The following BNIP5 variants were observed in gnomAD, a reference collection of about 807,000 sequenced individuals.
BNIP5 encodes protein BNIP5.
A neutral mutation model predicts 67.3 loss-of-function variants in BNIP5; 61 were observed. The ratio of observed to expected loss-of-function variants is 0.91; its 90% CI spans 0.74 to 1.12. BNIP5 has a LOEUF of 1.12. BNIP5 is among the 50% of genes most tolerant of loss of function. The pLI is 0.00. For synonymous variants in BNIP5, 317 were observed against 319.0 expected (o/e 0.99, Z 0.07); for missense variants, 826 against 816.3 (o/e 1.01, Z -0.14).
Position 36,323,406 on chromosome 6 carries a change from G to C in BNIP5, c.1358C>G (p.Pro453Arg), listed in dbSNP as rs781216107. 5 of 1,614,254 alleles carry C rather than the reference G, an allele frequency of 3.1e-6. No individual in the cohort carries two copies. In the South Asian group the frequency reaches 3.3e-5, roughly 11 times the overall value. Residue 453 changes from proline to arginine, a missense_variant, in exon 8 of 12, where the codon CCC (proline) becomes CGC (arginine). By Grantham distance (103) the Pro-to-Arg change is moderately radical. Coordinates refer to ENST00000437635, the MANE Select transcript of BNIP5 (RefSeq NM_001010903.5). ...FYHKKHTSKE[P>R]RRAGAAGAAS... is the part of the protein sequence containing the mutation. The stretch of plus-strand genomic sequence containing the variant: ...AGCCCCTGCTGCCCCCGCTCTTCTG[G>C]GTTCCTTGGAGGTGTGTTTCTTATG...
In BNIP5 at chr6:36,324,200, A is replaced by G. The variant is rs377065922; in HGVS notation, c.1169-10T>C. 1.6e-5 allele frequency: 26 copies of G among 1,611,392 alleles called. No homozygotes were observed. Among genetic ancestry groups the G allele is most frequent in the Non-Finnish European group, 4.2e-6 (5 of 1,177,796 alleles). ...TTCTGAATGAATTCTTCTGAAAAAGATCAACACGCATGGTTAACTTTGGTG... is the reference window on the plus strand; with the variant it reads ...TTCTGAATGAATTCTTCTGAAAAAGGTCAACACGCATGGTTAACTTTGGTG... On this transcript the variant is annotated splice_polypyrimidine_tract_variant and intron_variant, in intron 6 of 11. Coordinates refer to ENST00000437635, the MANE Select transcript of BNIP5 (RefSeq NM_001010903.5).
At chr6:36,328,977 A>G (rs1771825370) in intron 2 of BNIP5, among the ~76,000 whole-genome samples, 1 of 151,820 alleles carries the variant, frequency 6.6e-6, no homozygotes, top group South Asian at 2.1e-4. Flanking sequence ...ATAAACACTG[A>G]GTTTTGAGTG....
At position 36,319,438 on chromosome 6, in the gene BNIP5, C is replaced by T. The variant is rs1298126157; in HGVS notation, c.1841G>A (p.Ser614Asn). The change falls in exon 11 of 12, where the codon AGC becomes AAC. Residue 614 changes from serine (S) to asparagine (N), a missense_variant. By Grantham distance (46) the Ser-to-Asn change is conservative (BLOSUM62 1). Coordinates refer to ENST00000437635, the MANE Select transcript of BNIP5 (RefSeq NM_001010903.5). ...GAGGATGCACATGGCATGGCTGTTG[C>T]TGCCAGCAAATTTGTTAGCTAAGCT... ...DVSLANKFAG[S>N]NSHAMCILMG... is the part of the protein sequence containing the mutation. 1.2e-6 allele frequency: 2 copies of T among 1,614,188 alleles called. No individual in the cohort carries two copies. The highest frequency in any genetic ancestry group is 1.7e-6 in the Non-Finnish European group (2 of 1,180,034).
chr6:36,321,478 G>T (rs1285957316), intron 9 of BNIP5, among the ~76,000 whole-genome samples: 1 of 152,132 alleles, frequency 6.6e-6, no homozygotes, highest in Non-Finnish European at 1.5e-5. Flanking sequence ...ACCACATTCA[G>T]CTTCATTTGA....
chr6:36,321,295 A>C, intron 9 of BNIP5, 76 bp from the exon 10 acceptor site: 1 of 995,612 alleles, frequency 1.0e-6, no homozygotes, highest in Non-Finnish European at 1.6e-6. Flanking sequence ...AAAGTGCTGC[A>C]ACAATACATC....
intron 1 of BNIP5, among the ~76,000 whole-genome samples, chr6:36,333,765 T>C (rs1404961445): frequency 4.6e-5 from 7 of 152,280 alleles, no homozygotes; most frequent in African/African-American, 9.6e-5. Flanking sequence ...TGAAGTTCTA[T>C]GTGATTTAAG....
At chr6:36,319,856 C>G (rs1204867437) in intron 10 of BNIP5, among the ~76,000 whole-genome samples, 1 of 152,176 alleles carries the variant, frequency 6.6e-6, no homozygotes, top group Non-Finnish European at 1.5e-5. Context: ...AATTCAGAAG[C>G]AAACACCCCA....
At position 36,317,350 on chromosome 6, in the gene BNIP5, C is replaced by T. The variant is rs1283821125; in HGVS notation, c.*6G>A. ...TTCAAGGGAATTTGAGTGCAAGACA[C>T]AGCTTTCAATCTGGACTTTCAACCT... On this transcript the variant is annotated 3_prime_UTR_variant, in exon 12 of 12. Transcript: ENST00000437635. 6.2e-7 allele frequency: 1 copy of T among 1,612,580 alleles called. No homozygotes were observed. The highest frequency in any genetic ancestry group is 1.3e-5 in the African/African-American group (1 of 74,884).
rs777932280 is a variant in BNIP5, at chr6:36,326,595, G to A, written c.951C>T (p.Ser317=). ...EEAKRGAADV[S]SPEAWPPKKS... ...TCTTGGGTGGCCAGGCCTCTGGACTGGAAACATCTGCAGCCCCCCTCTTGG... is the reference window on the plus strand; with the variant it reads ...TCTTGGGTGGCCAGGCCTCTGGACTAGAAACATCTGCAGCCCCCCTCTTGG... Residue 317 remains serine, a synonymous_variant, in exon 5 of 12, where the codon TCC becomes TCT. Transcript: ENST00000437635. 4.3e-6 allele frequency: 7 copies of A among 1,614,244 alleles called. No homozygotes were observed. In the East Asian group the frequency reaches 1.3e-4, roughly 31 times the overall value.
chr6:36,325,244 T>A (rs1250630346), intron 6 of BNIP5, 39 bp downstream of exon 6: 2 of 1,610,192 alleles, frequency 1.2e-6, no homozygotes, highest in Non-Finnish European at 1.7e-6. Flanking sequence ...GAACAGAAGT[T>A]TTGCAAGGGG....
At chr6:36,325,795 TC>T (rs1189303171) in intron 5 of BNIP5, among the ~76,000 whole-genome samples, 2 of 152,138 alleles carry the variant, frequency 1.3e-5, no homozygotes, top group African/African-American at 2.4e-5. Context: ...TAAGCGTCAC[TC>T]CCTCCTTTCT....
chr6:36,323,613 G>A lies in BNIP5; in HGVS notation c.1231-80C>T, dbSNP rs558114965. ...AGGTGAGGTGGGGAAAGAGAGCCAC[G>A]GTGGGCTAGCAGGCGTTGCCCAGAG... On this transcript the variant is annotated intron_variant, in intron 7 of 11. Coordinates refer to ENST00000437635, the MANE Select transcript of BNIP5 (RefSeq NM_001010903.5). 52 of 1,537,974 alleles carry A rather than the reference G, an allele frequency of 3.4e-5. No individual in the cohort carries two copies. The Admixed American group carries it at 4.1e-4, about 12-fold the overall frequency.
intron 6 of BNIP5, 103 bp from the exon 7 acceptor site, chr6:36,324,293 A>G (rs1392218861): frequency 1.0e-6 from 1 of 981,568 alleles, no homozygotes; most frequent in African/African-American, 1.6e-5. Flanking sequence ...GTGATTCTCC[A>G]AGGGGGCTAA....
In BNIP5 at chr6:36,316,468, A is replaced by G. The variant is rs921400015; in HGVS notation, c.*888T>C. On this transcript the variant is annotated 3_prime_UTR_variant, in exon 12 of 12. Coordinates refer to ENST00000437635, the MANE Select transcript of BNIP5 (RefSeq NM_001010903.5). ...TACTGCTACCAGCTGCAAAACTGTC[A>G]TGATAAATCTACAAATCCACAATGT... 7.5e-6 allele frequency: 3 copies of G among 398,514 alleles called. No individual in the cohort carries two copies. Among genetic ancestry groups the G allele is most frequent in the East Asian group, 3.6e-5 (1 of 28,098 alleles). 24.7% of individuals were successfully genotyped at this position (398,514 alleles called of 1,614,324 possible).
chr6:36,321,820 G>A (rs1771643001), intron 9 of BNIP5, among the ~76,000 whole-genome samples: 1 of 152,218 alleles, frequency 6.6e-6, no homozygotes, highest in Admixed American at 6.5e-5. Context: ...TGATTCTCCT[G>A]CCTCAGCCTC....
chr6:36,327,373 C>T lies in BNIP5; in HGVS notation c.728-279G>A, dbSNP rs116435563. 3.3e-3 allele frequency among the ~76,000 whole-genome samples: 505 copies of T among 152,284 alleles called. 1 individual carries two copies. The Middle Eastern group carries it at 0.044, about 13-fold the overall frequency. On this transcript the variant is annotated intron_variant, in intron 3 of 11. Coordinates refer to ENST00000437635, the MANE Select transcript of BNIP5 (RefSeq NM_001010903.5). ...CCTTTGAAAGTCACAGATCTAGGAA[C>T]GTCTACTTTGGGTTCAGTAAGCTGT...
intron 1 of BNIP5, among the ~76,000 whole-genome samples, chr6:36,333,105 A>G (rs919499304): frequency 2.0e-5 from 3 of 152,250 alleles, no homozygotes; most frequent in Non-Finnish European, 4.4e-5. Flanking sequence ...GATACAGAGA[A>G]AGAAGAAAAG....
In BNIP5 at chr6:36,328,716, T is replaced by A. The variant is rs768674389; in HGVS notation, c.611-2A>T. 1 of 1,601,084 alleles carries A rather than the reference T, an allele frequency of 6.2e-7. No homozygotes were observed. The highest frequency in any genetic ancestry group is 8.6e-7 in the Non-Finnish European group (1 of 1,168,170). The stretch of plus-strand genomic sequence containing the variant: ...ACTGGTGATCAGAATCTTCCCCACC[T>A]GGAATAGAGACGAAAGCAAACGGGT... On this transcript the variant is annotated splice_acceptor_variant, in intron 2 of 11. Coordinates refer to ENST00000437635, the MANE Select transcript of BNIP5 (RefSeq NM_001010903.5). LOFTEE classifies it high-confidence loss of function.
Position 36,328,677 on chromosome 6 carries a change from T to G in BNIP5, c.648A>C (p.Lys216Asn). The change falls in exon 3 of 12, where the codon AAA (lysine) becomes AAC (asparagine). Residue 216 changes from lysine to asparagine, a missense_variant. By Grantham distance (94) the Lys-to-Asn change is moderately conservative (BLOSUM62 0). Transcript: ENST00000437635. Reference sequence around the variant, plus strand: ...CATCCAAAGCTCCAGTACCATCCACTTTGATGAGGAAGGACTGGTGATCAG... The same window carrying G: ...CATCCAAAGCTCCAGTACCATCCACGTTGATGAGGAAGGACTGGTGATCAG... ...EDSDHQSFLI[K>N]VDGTGALDVS... 3 of 1,614,006 alleles carry G rather than the reference T, an allele frequency of 1.9e-6. No individual in the cohort carries two copies. The Middle Eastern group carries it at 4.9e-4, about 266-fold the overall frequency.
Sources: allele counts gnomAD v4.1 joint callset (sites outside exome capture counted in the v4.1 genomes callset), GRCh38; gene constraint gnomAD v4.1.1; transcripts MANE v1.5; gene names NCBI Gene and HGNC (gene_info 2026-07-23, HGNC 2026-07-21).